Variants in RNF19B observed in about 807,000 individuals in gnomAD.
RNF19B encodes ring finger protein 19B.
In RNF19B, 23 loss-of-function variants were observed where a neutral mutation model predicts 65.5. The ratio of observed to expected loss-of-function variants is 0.35; its 90% CI spans 0.25 to 0.50. RNF19B has a LOEUF of 0.50. Among genes scored for constraint, RNF19B ranks in the 20% least tolerant of loss-of-function variants. The pLI, the probability that RNF19B is intolerant of heterozygous loss-of-function variation, is 0.98. For synonymous variants in RNF19B, 372 were observed against 379.6 expected (o/e 0.98, Z 0.23); for missense variants, 794 against 980.0 (o/e 0.81, Z 2.53).
intron 1 of RNF19B, among the ~76,000 whole-genome samples, chr1:32,954,658 A>G (rs769739298): frequency 4.0e-5 from 6 of 151,588 alleles, no homozygotes; most frequent in Admixed American, 1.3e-4. Context: ...GAATTGCTTG[A>G]AACTGGGAGG....
At chr1:32,934,722 C>G (rs1642069158), downstream of RNF19B, among the ~76,000 whole-genome samples, 3 of 152,104 alleles carry the variant, frequency 2.0e-5, no homozygotes, top group South Asian at 6.2e-4. Flanking sequence ...AAGTTAGGGG[C>G]ATGAAACTGA....
rs752649262 is a variant in RNF19B, at chr1:32,964,273, G to A, written c.413C>T (p.Pro138Leu). 6.5e-7 allele frequency: 1 copy of A among 1,534,828 alleles called. No homozygotes were observed. ...PERAPRLLSC[P>L]HRSCRDCLRH... Reference sequence around the variant, plus strand: ...GAGGCAGTCCCGGCACGAGCGGTGCGGACAGCTGAGGAGGCGCGGGGCCCG... The same window carrying A: ...GAGGCAGTCCCGGCACGAGCGGTGCAGACAGCTGAGGAGGCGCGGGGCCCG... Residue 138 changes from proline (P) to leucine (L), a missense_variant, in exon 1 of 9, where the codon CCG (proline) becomes CTG (leucine). Around this residue, in one of 3 missense-constraint regions of RNF19B, gnomAD observed 374 missense variants for 423.8 expected, o/e 0.88. Transcript: ENST00000235150. This position sits in a 1 kb window ranked among gnomAD's most constrained non-coding sequence, Gnocchi z 6.5.
chr1:32,941,139 C>G (rs902435274), intron 7 of RNF19B, among the ~76,000 whole-genome samples: 1 of 152,012 alleles, frequency 6.6e-6, no homozygotes, highest in African/African-American at 2.4e-5. Context: ...GGTAGGATTG[C>G]CTGAGTCCAG....
intron 1 of RNF19B, among the ~76,000 whole-genome samples, chr1:32,951,434 C>G (rs1295606597): frequency 6.6e-6 from 1 of 152,222 alleles, no homozygotes; most frequent in South Asian, 2.1e-4. Flanking sequence ...CAGGAGCCGG[C>G]GCACATGCAG....
intron 1 of RNF19B, among the ~76,000 whole-genome samples, chr1:32,963,134 G>T (rs1363792248): frequency 3.9e-5 from 6 of 152,116 alleles, no homozygotes; most frequent in Admixed American, 3.9e-4. Flanking sequence ...TCTGGACAAA[G>T]AACATATCTG....
chr1:32,929,320 T>C, the RNF19B span, among the ~76,000 whole-genome samples: 1 of 152,214 alleles, frequency 6.6e-6, no homozygotes, highest in Non-Finnish European at 1.5e-5. Context: ...CCTATGCCAA[T>C]AAGACCTCAT....
the RNF19B span, among the ~76,000 whole-genome samples, chr1:32,930,856 G>A: frequency 6.6e-6 from 1 of 152,216 alleles, no homozygotes; most frequent in African/African-American, 2.4e-5. Context: ...GGGAGGCCAA[G>A]GTGGGCAGAT....
chr1:32,951,691 A>C (rs1318393566), intron 1 of RNF19B, among the ~76,000 whole-genome samples: 2 of 152,120 alleles, frequency 1.3e-5, no homozygotes. Context: ...ATTCAAACCT[A>C]TACCTTGAAA....
the RNF19B span, among the ~76,000 whole-genome samples, chr1:32,930,240 G>C: frequency 3.9e-5 from 6 of 151,998 alleles, no homozygotes; most frequent in Non-Finnish European, 5.9e-5. Flanking sequence ...CTTCTGAGTA[G>C]CTGGGACTAC....
At chr1:32,934,236 C>A (rs774968412), downstream of RNF19B, among the ~76,000 whole-genome samples, 5 of 152,170 alleles carry the variant, frequency 3.3e-5, no homozygotes, top group African/African-American at 4.8e-5. Context: ...GACTTGCCAT[C>A]CTCATTGTAG....
At chr1:32,951,748 T>C (rs1232532932) in intron 1 of RNF19B, among the ~76,000 whole-genome samples, 1 of 152,088 alleles carries the variant, frequency 6.6e-6, no homozygotes, top group Non-Finnish European at 1.5e-5. Flanking sequence ...CTCTATCTTA[T>C]AAATTAAAAT....
chr1:32,949,433 A>C, intron 2 of RNF19B, 136 bp downstream of exon 2: 1 of 657,046 alleles, frequency 1.5e-6, no homozygotes, highest in South Asian at 1.9e-5. Context: ...TAATATTGAA[A>C]GTATTATCAA....
rs1356288972 is a variant in RNF19B, at chr1:32,964,517, G to A, written c.169C>T (p.Pro57Ser). Reference protein sequence around the residue: ...RARAKPQAEPPPPAAQPPPAP... With the variant: ...RARAKPQAEPSPPAAQPPPAP... ...GGCGGCGGCTGCGCAGCCGGGGGCG[G>A]CGGCTCGGCCTGCGGCTTGGCCCGG... is the stretch of plus-strand genomic sequence containing the variant. The change falls in exon 1 of 9, where the codon CCG becomes TCG. Residue 57 changes from proline to serine, a missense_variant. Pro to Ser is a moderately conservative substitution (Grantham distance 74). Around this residue, in one of 3 missense-constraint regions of RNF19B, gnomAD observed 374 missense variants for 423.8 expected, o/e 0.88. Coordinates refer to ENST00000235150, the MANE Select transcript of RNF19B (RefSeq NM_001300826.2). This position sits in a 1 kb window ranked among gnomAD's most constrained non-coding sequence, Gnocchi z 6.5. 6 of 992,992 alleles carry A rather than the reference G, an allele frequency of 6.0e-6. No homozygotes were observed. The highest frequency in any genetic ancestry group is 6.0e-6 in the Non-Finnish European group (5 of 832,302). The allele number at this position is 992,992 out of a possible 1,614,324, so 61.5% of individuals were successfully genotyped here. A position where few individuals can be genotyped will look rare whatever the true frequency, so the allele number is the denominator to read the frequency against.
chr1:32,938,106 T>A (rs971648110), intron 8 of RNF19B, among the ~76,000 whole-genome samples: 1 of 133,316 alleles, frequency 7.5e-6, no homozygotes, highest in East Asian at 2.1e-4. Flanking sequence ...TTAAGTTCCA[T>A]GTAATTATAC....
intron 8 of RNF19B, chr1:32,938,190 G>T (rs983492146): frequency 4.7e-5 from 12 of 254,462 alleles, no homozygotes; most frequent in Non-Finnish European, 7.7e-5. Context: ...AGAAAGAAAA[G>T]AAATCTCTAA....
In RNF19B at chr1:32,942,428, G is replaced by A. The variant is rs1477123224; in HGVS notation, c.1434C>T (p.Pro478=). 12 of 1,614,018 alleles carry A rather than the reference G, an allele frequency of 7.4e-6. No individual in the cohort carries two copies. The highest frequency in any genetic ancestry group is 1.0e-5 in the Non-Finnish European group (12 of 1,180,002). Residue 478 remains proline, a synonymous_variant, in exon 7 of 9, where the codon CCC becomes CCT. Coordinates refer to ENST00000235150, the MANE Select transcript of RNF19B (RefSeq NM_001300826.2). ...VADAWRALKN[P]SIGESSIEGL... ...CTTCAATGCTGCTTTCCCCAATGCT[G>A]GGATTCTTGAGGGCTCTCCAGGCAT...
At position 32,964,036 on chromosome 1, in the gene RNF19B, C is replaced by A; in HGVS notation, c.635+15G>T. On this transcript the variant is annotated intron_variant, in intron 1 of 8. Transcript: ENST00000235150. This position sits in a 1 kb window ranked among gnomAD's most constrained non-coding sequence, Gnocchi z 6.5. The stretch of plus-strand genomic sequence containing the variant: ...CTGCAGCCCGCCGCCACCCGCGCCA[C>A]GCCCCCGCGCTCACCCGCAGTCCGG... The A allele has an allele frequency of 7.0e-7, 1 of 1,428,004 alleles. No homozygotes were observed. Among genetic ancestry groups the A allele is most frequent in the Admixed American group, 3.3e-5 (1 of 30,464 alleles). The allele number at this position is 1,428,004 out of a possible 1,614,324, so 88.5% of individuals were successfully genotyped here. A position where few individuals can be genotyped will look rare whatever the true frequency, so the allele number is the denominator to read the frequency against.
chr1:32,937,592 C>T (rs954531198), intron 8 of RNF19B, among the ~76,000 whole-genome samples: 5 of 151,912 alleles, frequency 3.3e-5, no homozygotes, highest in African/African-American at 1.2e-4. Flanking sequence ...GCCTGTAGTC[C>T]CAGCTACTCG....
chr1:32,929,408 T>C, the RNF19B span, among the ~76,000 whole-genome samples: 1 of 152,208 alleles, frequency 6.6e-6, no homozygotes, highest in East Asian at 1.9e-4. Context: ...CTTCAACATA[T>C]GATTTTTGGT....
Sources: allele counts gnomAD v4.1 joint callset (sites outside exome capture counted in the v4.1 genomes callset), GRCh38; gene constraint gnomAD v4.1.1; regional missense constraint gnomAD v4.1.1; non-coding constraint Gnocchi (gnomAD v3.1); transcripts MANE v1.5; gene names NCBI Gene and HGNC (gene_info 2026-07-23, HGNC 2026-07-21).